The following MACF1 variants were observed in gnomAD, a reference collection of about 807,000 sequenced individuals.
MACF1 encodes the protein microtubule-actin cross-linking factor 1.
A neutral mutation model predicts 854.8 loss-of-function variants in MACF1; 193 were observed. The observed-to-expected ratio is 0.23, with a 90% CI of 0.20 to 0.25. The LOEUF (loss-of-function observed/expected upper bound fraction) is 0.25. MACF1 is among the 10% of genes least tolerant of loss of function. The pLI is 1.00. For missense variants in MACF1, 7,722 were observed against 8,929.1 expected (o/e 0.86, Z 5.45); for synonymous variants, 3,185 against 3,226.7 (o/e 0.99, Z 0.44).
chr1:39,142,157 T>C (rs1387749672), intron 2 of MACF1, among the ~76,000 whole-genome samples: 1 of 152,248 alleles, frequency 6.6e-6, no homozygotes, highest in Admixed American at 6.5e-5. Context: ...TGATTCTTCC[T>C]GAGAAAGGCA....
intron 1 of MACF1, among the ~76,000 whole-genome samples, chr1:39,229,988 C>T (rs1035446126): frequency 6.6e-6 from 1 of 152,172 alleles, no homozygotes; most frequent in Non-Finnish European, 1.5e-5. Context: ...AGTGATCCAC[C>T]GGCCTCAGCC....
intron 2 of MACF1, among the ~76,000 whole-genome samples, chr1:39,158,329 T>C (rs1643730985): frequency 6.6e-6 from 1 of 152,200 alleles, no homozygotes; most frequent in African/African-American, 2.4e-5. Context: ...CTTGACAGTT[T>C]CTGCTTCTTC....
chr1:39,387,713 C>T lies in MACF1; in HGVS notation c.14871C>T (p.Ser4957=), dbSNP rs996480293. Reference sequence around the variant, plus strand: ...TGAATGAGGTGGAGAAGCGCCGCTCCCTGCTGGAAATATTGAATAGTGCTG... The same window carrying T: ...TGAATGAGGTGGAGAAGCGCCGCTCTCTGCTGGAAATATTGAATAGTGCTG... ...AMLNEVEKRR[S]LLEILNSAAD... Residue 4957 remains serine, a synonymous_variant, in exon 58 of 101, where the codon TCC becomes TCT. Transcript: ENST00000564288. 6.8e-6 allele frequency: 11 copies of T among 1,613,944 alleles called. No individual in the cohort carries two copies. The highest frequency in any genetic ancestry group is 1.3e-5 in the African/African-American group (1 of 74,898).
Position 39,284,133 on chromosome 1 carries a change from A to G in MACF1, c.983A>G (p.His328Arg), listed in dbSNP as rs1645602382. 1.2e-6 allele frequency: 2 copies of G among 1,614,028 alleles called. No homozygotes were observed. Residue 328 changes from histidine (H) to arginine (R), a missense_variant, in exon 10 of 101, where the codon CAT becomes CGT. By Grantham distance (29) the His-to-Arg change is conservative. Transcript: ENST00000564288. ...TCCCTCATTCCCTGGATCAAACAGC[A>G]TACAATACTGATGTCAGATAAAACT... The part of the protein sequence containing the change: ...VDSLIPWIKQ[H>R]TILMSDKTFP...
At chr1:39,412,512 G>A (rs969760677) in intron 58 of MACF1, 13 of 1,613,872 alleles carry the variant, frequency 8.1e-6, no homozygotes, top group Non-Finnish European at 1.0e-5. Flanking sequence ...AGGTCTTCCA[G>A]GATCTCCAGA....
At chr1:39,452,032 T>G in intron 85 of MACF1, 124 bp from the exon 86 acceptor site, 9 of 823,740 alleles carry the variant, frequency 1.1e-5, no homozygotes, top group Non-Finnish European at 1.5e-5. Flanking sequence ...TATGCATTGC[T>G]CTGCCTCCCT....
chr1:39,292,029 G>C lies in MACF1; in HGVS notation c.1905G>C (p.Arg635Ser). 6.2e-7 allele frequency: 1 copy of C among 1,613,944 alleles called. No homozygotes were observed. The highest frequency in any genetic ancestry group is 8.5e-7 in the Non-Finnish European group (1 of 1,179,948). The change falls in exon 16 of 101, where the codon AGG becomes AGC. Residue 635 changes from arginine (R) to serine (S), a missense_variant. Physicochemically the swap from Arg to Ser is moderately radical, Grantham distance 110 (BLOSUM62 -1). Coordinates refer to ENST00000564288, the MANE Select transcript of MACF1 (RefSeq NM_001394062.1). ...EELGSSVKEA[R>S]LYEGKMSQNF... ...TGGGCTCAAGTGTCAAGGAGGCCAG[G>C]TTGTATGAGGTGCGTAGCCTTCAGA...
At chr1:39,194,351 C>CTTTTTT (rs749853544) in intron 2 of MACF1, among the ~76,000 whole-genome samples, 26 of 35,514 alleles carry the variant, frequency 7.3e-4, no homozygotes, top group South Asian at 2.8e-3. Flanking sequence ...CTTTTCTTTT[C>CTTTTTT]TTTTTTTTTT....
chr1:39,086,686 T>C (rs1641681790), intron 2 of MACF1, among the ~76,000 whole-genome samples: 1 of 152,168 alleles, frequency 6.6e-6, no homozygotes, highest in Non-Finnish European at 1.5e-5. Flanking sequence ...CACGGGATGA[T>C]TTGCTTGCTG....
intron 6 of MACF1, among the ~76,000 whole-genome samples, chr1:39,280,349 TG>T (rs1385436344): frequency 6.6e-6 from 1 of 152,200 alleles, no homozygotes; most frequent in Non-Finnish European, 1.5e-5. Context: ...CAAAGGACTG[TG>T]ATCAATGATT....
At chr1:39,128,431 G>A (rs906432446) in intron 2 of MACF1, among the ~76,000 whole-genome samples, 3 of 152,088 alleles carry the variant, frequency 2.0e-5, no homozygotes, top group African/African-American at 7.2e-5. Context: ...GGCCAGGCAC[G>A]GTGGCTCACG....
intron 58 of MACF1, chr1:39,412,619 C>G (rs762255561): frequency 1.2e-6 from 2 of 1,613,990 alleles, no homozygotes. Context: ...GATACAAAGC[C>G]TGAGCTGAAT....
chr1:39,451,232 A>G (rs899215657), intron 85 of MACF1, 21 bp downstream of exon 85: 6 of 1,608,838 alleles, frequency 3.7e-6, no homozygotes, highest in Non-Finnish European at 3.4e-6. Context: ...GGTCTGGGCT[A>G]CATTGGAGTG....
At chr1:39,159,924 C>T (rs1557489191) in intron 2 of MACF1, among the ~76,000 whole-genome samples, 1 of 152,042 alleles carries the variant, frequency 6.6e-6, no homozygotes, top group Non-Finnish European at 1.5e-5. Context: ...ATCTGTACTC[C>T]CTTCTTGCCA....
At chr1:39,307,396 G>T (rs1156389612) in intron 23 of MACF1, among the ~76,000 whole-genome samples, 1 of 151,956 alleles carries the variant, frequency 6.6e-6, no homozygotes, top group Non-Finnish European at 1.5e-5. Context: ...GGAACAGTCT[G>T]ATACTTTTAC....
At chr1:39,190,386 TGTGTG>T (rs1424250701) in intron 2 of MACF1, among the ~76,000 whole-genome samples, 1 of 126,598 alleles carries the variant, frequency 7.9e-6, no homozygotes, top group African/African-American at 2.8e-5. Context: ...TGTGTGTGTG[TGTGTG>T]TTTGTTTTTG....
intron 1 of MACF1, among the ~76,000 whole-genome samples, chr1:39,218,615 G>A (rs1644607740): frequency 6.6e-6 from 1 of 152,088 alleles, no homozygotes; most frequent in Non-Finnish European, 1.5e-5. Flanking sequence ...TTCCTCTTGT[G>A]TTCTTATATG....
intron 58 of MACF1, among the ~76,000 whole-genome samples, chr1:39,418,150 T>G (rs1188714965): frequency 6.6e-6 from 1 of 152,180 alleles, no homozygotes; most frequent in Non-Finnish European, 1.5e-5. Flanking sequence ...GCTTCTGTGT[T>G]GGGGCTGAGG....
At chr1:39,412,669 T>C in intron 58 of MACF1, 1 of 1,613,964 alleles carries the variant, frequency 6.2e-7, no homozygotes, top group African/African-American at 1.3e-5. Flanking sequence ...AAGGAGAGAT[T>C]CAGATTCATT....
Sources: allele counts gnomAD v4.1 joint callset (sites outside exome capture counted in the v4.1 genomes callset), GRCh38; gene constraint gnomAD v4.1.1; transcripts MANE v1.5; gene names NCBI Gene and HGNC (gene_info 2026-07-23, HGNC 2026-07-21).